Variants in DMD observed in about 807,000 individuals in gnomAD.
DMD encodes mutant dystrophin.
DMD carries 63 observed loss-of-function variants against 330.1 expected under a neutral mutation model. The observed-to-expected ratio is 0.19, with a 90% confidence interval of 0.16 to 0.24. The LOEUF is 0.24. DMD is among the 10% of genes least tolerant of loss of function. DMD has a pLI of 1.00. For synonymous variants in DMD, 1,223 were observed against 959.8 expected (o/e 1.27, Z -5.07); for missense variants, 3,344 against 2,684.1 (o/e 1.25, Z -5.43).
Position 32,718,435 on chromosome X carries a change from C to A in DMD, c.650-19142G>T, listed in dbSNP as rs1053697302. ...AGTGATTTCCTGAGACCTCCCCAGC[C>A]ATGCTTCCCATACAGCCTGTGGAAC... On this transcript the variant is annotated intron_variant, in intron 7 of 78. Transcript: ENST00000357033. Among the ~76,000 whole-genome samples the A allele has an allele frequency of 3.6e-5, 4 of 111,534 alleles. No individual in the cohort carries two copies. The South Asian group carries it at 1.5e-3, about 42-fold the overall frequency.
At position 31,766,042 on chromosome X, in the gene DMD, G is replaced by A. The variant is rs1268317339; in HGVS notation, c.7542+7918C>T. On this transcript the variant is annotated intron_variant, in intron 51 of 78. Transcript: ENST00000357033. The stretch of plus-strand genomic sequence containing the variant: ...CAGACTTTAAGGACCAAAAGTTATG[G>A]TGAAATGGAAAGCCTAAAAGGCAGG... 2.7e-5 allele frequency among the ~76,000 whole-genome samples: 3 copies of A among 110,902 alleles called. No homozygotes were observed. The East Asian group carries it at 8.5e-4, about 31-fold the overall frequency.
intron 42 of DMD, among the ~76,000 whole-genome samples, chrX:32,307,170 T>C (rs1183790386): frequency 9.0e-6 from 1 of 111,367 alleles, no homozygotes; most frequent in Non-Finnish European, 1.9e-5. Context: ...TCTTTGGGAA[T>C]GATCCAAGGA....
intron 44 of DMD, among the ~76,000 whole-genome samples, chrX:31,994,188 C>T (rs1329775793): frequency 9.0e-6 from 1 of 111,627 alleles, no homozygotes; most frequent in African/African-American, 3.3e-5. Flanking sequence ...TTGCCCATGA[C>T]ATTGCCTGGG....
chrX:31,282,504 A>G (rs2052697481), intron 62 of DMD, among the ~76,000 whole-genome samples: 1 of 111,282 alleles, frequency 9.0e-6, no homozygotes. Context: ...GCCTAAGACT[A>G]ATAAAGTCAT....
intron 60 of DMD, among the ~76,000 whole-genome samples, chrX:31,364,231 T>G (rs1365807674): frequency 8.9e-6 from 1 of 112,381 alleles, no homozygotes; most frequent in Non-Finnish European, 1.9e-5. Context: ...ATCTGCTTCT[T>G]GGAGGACTCA....
chrX:31,697,833 C>T (rs2083541840), intron 52 of DMD, among the ~76,000 whole-genome samples: 1 of 111,788 alleles, frequency 8.9e-6, no homozygotes, highest in Non-Finnish European at 1.9e-5. Flanking sequence ...TTTTAGAAAG[C>T]AACTTTGACT....
intron 1 of DMD, among the ~76,000 whole-genome samples, chrX:33,040,240 A>G (rs2094276633): frequency 9.0e-6 from 1 of 110,674 alleles, no homozygotes; most frequent in Non-Finnish European, 1.9e-5. Context: ...AGTCAAACCC[A>G]TTTTCCAGAC....
chrX:31,457,939 G>A (rs901377070), intron 59 of DMD, among the ~76,000 whole-genome samples: 12 of 111,627 alleles, frequency 1.1e-4, no homozygotes, highest in African/African-American at 1.3e-4. Flanking sequence ...TTGCAAAAAC[G>A]TCCTTTAATA....
intron 2 of DMD, among the ~76,000 whole-genome samples, chrX:32,879,038 A>C (rs2083651936): frequency 1.0e-5 from 1 of 97,437 alleles, no homozygotes; most frequent in African/African-American, 3.8e-5. Flanking sequence ...AAAACAAACA[A>C]AAAAAAAACA....
At chrX:33,118,186 C>CT (rs759129670) in intron 1 of DMD, among the ~76,000 whole-genome samples, 2 of 104,738 alleles carry the variant, frequency 1.9e-5, no homozygotes, top group African/African-American at 3.5e-5. Context: ...TCTCGGCTCA[C>CT]TGCAAGCTCC....
chrX:31,975,188 G>T (rs2095427303), intron 44 of DMD, among the ~76,000 whole-genome samples: 1 of 111,325 alleles, frequency 9.0e-6, no homozygotes, highest in Non-Finnish European at 1.9e-5. Flanking sequence ...GACATGTTTT[G>T]GCGTTAGAAC....
chrX:31,254,056 C>G (rs1948637249), intron 63 of DMD, among the ~76,000 whole-genome samples: 1 of 112,059 alleles, frequency 8.9e-6, no homozygotes, highest in African/African-American at 3.2e-5. Context: ...TGAGAAAACA[C>G]TTGTGGTTAA....
At chrX:32,582,915 G>C (rs191063932) in intron 13 of DMD, among the ~76,000 whole-genome samples, 2 of 111,305 alleles carry the variant, frequency 1.8e-5, no homozygotes, top group Non-Finnish European at 3.8e-5. Context: ...AAATGTAATT[G>C]TTAATGATAG....
intron 44 of DMD, among the ~76,000 whole-genome samples, chrX:32,101,456 G>T (rs2148103387): frequency 9.0e-6 from 1 of 111,713 alleles, no homozygotes; most frequent in African/African-American, 3.2e-5. Context: ...GTTGATACCT[G>T]CTCTTATTCT....
At chrX:32,260,270 C>T (rs1157079812) in intron 43 of DMD, among the ~76,000 whole-genome samples, 1 of 111,243 alleles carries the variant, frequency 9.0e-6, no homozygotes, top group African/African-American at 3.3e-5. Flanking sequence ...AAGATGAAAG[C>T]AATTTAGGTC....
At chrX:31,229,756 C>CT (rs1015018681) in intron 63 of DMD, among the ~76,000 whole-genome samples, 7 of 111,975 alleles carry the variant, frequency 6.3e-5, no homozygotes, top group African/African-American at 2.3e-4. Context: ...ACAAGGCAGT[C>CT]TCCCCACATA....
At chrX:32,950,706 C>A (rs2091193955) in intron 2 of DMD, among the ~76,000 whole-genome samples, 1 of 111,237 alleles carries the variant, frequency 9.0e-6, no homozygotes, top group African/African-American at 3.3e-5. Context: ...ATCAGTCATT[C>A]CAGAAAAAAT....
intron 44 of DMD, among the ~76,000 whole-genome samples, chrX:31,973,324 G>A (rs1308044909): frequency 9.1e-6 from 1 of 110,228 alleles, no homozygotes; most frequent in Non-Finnish European, 1.9e-5. Flanking sequence ...AAATAGTATA[G>A]AAAAGCAACT....
At chrX:33,162,258 G>A (rs2048806357) in intron 1 of DMD, among the ~76,000 whole-genome samples, 1 of 112,015 alleles carries the variant, frequency 8.9e-6, no homozygotes, top group South Asian at 3.7e-4. Context: ...ATTTTCAAGT[G>A]CCATTAAAAT....
Sources: gnomAD v4.1 joint callset for allele counts (sites outside exome capture counted in the v4.1 genomes callset) on GRCh38, gnomAD v4.1.1 for gene constraint, MANE v1.5 for transcripts, NCBI Gene and HGNC (gene_info 2026-07-23, HGNC 2026-07-21) for gene names.